HEATR4: variants seen among roughly 807,000 people sequenced by gnomAD.
HEATR4 encodes HEAT repeat-containing protein 4.
HEATR4 carries 95 observed loss-of-function variants against 108.8 expected under a neutral mutation model. The ratio of observed to expected loss-of-function variants is 0.87; its 90% CI spans 0.74 to 1.04. The LOEUF (loss-of-function observed/expected upper bound fraction) is 1.04, where lower values mean the gene tolerates loss of function less well. Ranked by LOEUF, HEATR4 falls within the 50% of genes least tolerant of loss-of-function variation. The pLI, the probability that HEATR4 is intolerant of heterozygous loss-of-function variation, is 0.00. For missense variants in HEATR4, 1,152 were observed against 1,253.8 expected, an observed-to-expected ratio of 0.92 and a Z score of 1.23; for synonymous variants, 443 against 459.4, an observed-to-expected ratio of 0.96 and a Z score of 0.46.
the HEATR4 span, among the ~76,000 whole-genome samples, chr14:73,633,186 G>T: frequency 6.6e-6 from 1 of 151,980 alleles, no homozygotes. Flanking sequence ...TGAATTTTTA[G>T]TAGAGATTTG....
intron 17 of HEATR4, among the ~76,000 whole-genome samples, chr14:73,483,130 C>T (rs1330443548): frequency 1.3e-5 from 2 of 152,144 alleles, no homozygotes; most frequent in Non-Finnish European, 2.9e-5. Flanking sequence ...CTAAATACAA[C>T]AGGAATTGCA....
At chr14:73,563,552 G>A (rs1223357955), upstream of HEATR4, among the ~76,000 whole-genome samples, 4 of 151,952 alleles carry the variant, frequency 2.6e-5, no homozygotes, top group South Asian at 2.1e-4. Context: ...CTGAGATCGC[G>A]CCACTGCACT....
chr14:73,600,701 T>C, the HEATR4 span, among the ~76,000 whole-genome samples: 2 of 151,992 alleles, frequency 1.3e-5, no homozygotes, highest in South Asian at 2.1e-4. Context: ...TCCACCTGCC[T>C]AGGCCTCCTA....
the HEATR4 span, among the ~76,000 whole-genome samples, chr14:73,570,461 C>T: frequency 1.3e-4 from 19 of 151,724 alleles, no homozygotes; most frequent in Non-Finnish European, 2.4e-4. Flanking sequence ...CCCAGCTACT[C>T]GGGAGGCTGA....
At chr14:73,602,494 T>C in the HEATR4 span, among the ~76,000 whole-genome samples, 1 of 152,186 alleles carries the variant, frequency 6.6e-6, no homozygotes, top group Non-Finnish European at 1.5e-5. Flanking sequence ...TCCACCCCGC[T>C]TCTCACTATC....
rs539057843 is a variant in HEATR4 at position 73,508,012 on chromosome 14, T to G, written c.1881+122A>C. 5 of 904,494 alleles carry G rather than the reference T, an allele frequency of 5.5e-6. No homozygotes were observed. In the South Asian group the frequency reaches 7.8e-5, roughly 14 times the overall value. The allele number at this position is 904,494 out of a possible 1,614,324, so 56.0% of individuals were successfully genotyped here. Reference sequence around the variant, plus strand: ...CCACCTGCCTCGGCCTCCCGAAGTGTTGGGATTACAGGCATAAGCCACTGC... The same window carrying G: ...CCACCTGCCTCGGCCTCCCGAAGTGGTGGGATTACAGGCATAAGCCACTGC... On this transcript the variant is annotated intron_variant, in intron 9 of 17. Coordinates refer to ENST00000553558, the MANE Select transcript of HEATR4 (RefSeq NM_001220484.1).
the HEATR4 span, chr14:73,612,425 C>A: frequency 2.1e-6 from 1 of 485,484 alleles, no homozygotes; most frequent in Non-Finnish European, 3.3e-6. Flanking sequence ...GCGCCCCACG[C>A]AGCGGCCTGG....
intron 17 of HEATR4, chr14:73,491,721 A>T (rs1172712436): frequency 1.3e-6 from 2 of 1,551,464 alleles, no homozygotes; most frequent in East Asian, 4.9e-5. Flanking sequence ...CGGCAGGACC[A>T]CACCTACTAC....
At chr14:73,591,536 T>C in the HEATR4 span, among the ~76,000 whole-genome samples, 8 of 145,536 alleles carry the variant, frequency 5.5e-5, no homozygotes, top group African/African-American at 2.0e-4. Context: ...GAGGAGACTC[T>C]GTTTCAAAAA....
intron 10 of HEATR4, 38 bp downstream of exon 10, chr14:73,506,429 T>C: frequency 6.7e-7 from 1 of 1,496,626 alleles, no homozygotes; most frequent in East Asian, 2.3e-5. Context: ...TCAGCCTCTC[T>C]TAGGCTTTCT....
chr14:73,601,676 C>T, the HEATR4 span, among the ~76,000 whole-genome samples: 1 of 152,142 alleles, frequency 6.6e-6, no homozygotes, highest in Non-Finnish European at 1.5e-5. Context: ...AATAACAAAA[C>T]CTTTAGGGAC....
At chr14:73,524,434 CTG>C (rs1888205453) in intron 2 of HEATR4, among the ~76,000 whole-genome samples, 1 of 149,648 alleles carries the variant, frequency 6.7e-6, no homozygotes, top group South Asian at 2.1e-4. Flanking sequence ...ATGGCAAACA[CTG>C]TAGATAACAA....
the HEATR4 span, among the ~76,000 whole-genome samples, chr14:73,590,697 C>T: frequency 6.6e-6 from 1 of 151,968 alleles, no homozygotes; most frequent in Non-Finnish European, 1.5e-5. Flanking sequence ...CCCCTCACTG[C>T]CCGGGGCTTG....
chr14:73,566,106 G>A, the HEATR4 span, among the ~76,000 whole-genome samples: 55 of 152,222 alleles, frequency 3.6e-4, 1 homozygote, highest in Middle Eastern at 3.4e-3. Flanking sequence ...GATACAGAGT[G>A]TTGATTGGTG....
chr14:73,614,140 G>A, the HEATR4 span, among the ~76,000 whole-genome samples: 1 of 151,752 alleles, frequency 6.6e-6, no homozygotes, highest in East Asian at 1.9e-4. Flanking sequence ...AGTAGAGGTT[G>A]CAGTGAGCTG....
chr14:73,578,004 C>T, the HEATR4 span, among the ~76,000 whole-genome samples: 2 of 151,876 alleles, frequency 1.3e-5, no homozygotes, highest in Non-Finnish European at 2.9e-5. Flanking sequence ...GCACCCGCCA[C>T]CATGCCCAGC....
chr14:73,542,854 T>C (rs1374381371), intron 1 of HEATR4, among the ~76,000 whole-genome samples: 3 of 112,118 alleles, frequency 2.7e-5, no homozygotes, highest in African/African-American at 9.1e-5. Context: ...CACATGGTTA[T>C]CACCAAGAGT....
chr14:73,595,458 G>C, the HEATR4 span: 1 of 1,614,060 alleles, frequency 6.2e-7, no homozygotes, highest in African/African-American at 1.3e-5. Context: ...TGTTACCCTG[G>C]GACTGGGCAT....
chr14:73,595,295 T>A, the HEATR4 span: 36 of 1,613,982 alleles, frequency 2.2e-5, no homozygotes, highest in Non-Finnish European at 2.9e-5. Context: ...CGTAGGAGGG[T>A]ACAAGAACCC....
Sources: allele counts gnomAD v4.1 joint callset (sites outside exome capture counted in the v4.1 genomes callset), GRCh38; gene constraint gnomAD v4.1.1; transcripts MANE v1.5; gene names NCBI Gene and HGNC (gene_info 2026-07-23, HGNC 2026-07-21).